Variants in MARCHF1 observed in about 807,000 individuals in gnomAD.
The protein encoded by MARCHF1 is E3 ubiquitin-protein ligase MARCHF1.
MARCHF1 carries 40 observed loss-of-function variants against 54.2 expected under a neutral mutation model. The observed-to-expected ratio is 0.74, with a 90% CI of 0.57 to 0.96. The LOEUF is 0.96. Ranked by LOEUF, MARCHF1 falls within the 40% of genes least tolerant of loss-of-function variation. The probability of loss-of-function intolerance (pLI) is 0.00; values close to 1 mark genes in which losing one functional copy is unlikely to be tolerated. For synonymous variants in MARCHF1, 236 were observed against 236.3 expected (o/e 1.00, Z 0.01); for missense variants, 586 against 656.5 (o/e 0.89, Z 1.17).
chr4:164,212,996 T>C (rs2111123810), intron 1 of MARCHF1, among the ~76,000 whole-genome samples: 1 of 152,090 alleles, frequency 6.6e-6, no homozygotes, highest in Non-Finnish European at 1.5e-5. Flanking sequence ...AGAAAGGACA[T>C]AACAGCAAAG....
intron 3 of MARCHF1, among the ~76,000 whole-genome samples, chr4:163,904,433 TG>T: frequency 6.6e-6 from 1 of 152,290 alleles, no homozygotes; most frequent in Non-Finnish European, 1.5e-5. Flanking sequence ...GGAATTTTAA[TG>T]GGACAGGTGC....
intron 4 of MARCHF1, among the ~76,000 whole-genome samples, chr4:163,836,405 C>G: frequency 6.7e-6 from 1 of 148,672 alleles, no homozygotes; most frequent in Non-Finnish European, 1.5e-5. Flanking sequence ...GCCACCACGC[C>G]CGGCTAATTT....
chr4:163,544,949 C>G (rs947529087), intron 9 of MARCHF1, among the ~76,000 whole-genome samples: 2 of 152,154 alleles, frequency 1.3e-5, no homozygotes, highest in African/African-American at 4.8e-5. Context: ...AGAACTGGGT[C>G]CTTTCACACA....
chr4:163,961,328 G>A (rs1259486971), intron 3 of MARCHF1, among the ~76,000 whole-genome samples: 2 of 151,920 alleles, frequency 1.3e-5, no homozygotes, highest in Non-Finnish European at 2.9e-5. Context: ...AATAGTCCTA[G>A]AGAAAATTAA....
intron 5 of MARCHF1, among the ~76,000 whole-genome samples, chr4:163,617,381 T>C (rs949253185): frequency 6.6e-6 from 1 of 152,136 alleles, no homozygotes; most frequent in Non-Finnish European, 1.5e-5. Context: ...AGAAGAGATG[T>C]TGGATGTTCC....
intron 4 of MARCHF1, among the ~76,000 whole-genome samples, chr4:163,804,866 C>A (rs1235930772): frequency 6.6e-6 from 1 of 152,196 alleles, no homozygotes; most frequent in East Asian, 1.9e-4. Context: ...ACATGTACTA[C>A]TCTCATTGTT....
At chr4:163,756,002 A>C (rs557816721) in intron 4 of MARCHF1, among the ~76,000 whole-genome samples, 1 of 152,306 alleles carries the variant, frequency 6.6e-6, no homozygotes, top group South Asian at 2.1e-4. Flanking sequence ...ATTTTATTCT[A>C]TTATATAATT....
intron 4 of MARCHF1, among the ~76,000 whole-genome samples, chr4:163,742,512 C>T (rs1162159978): frequency 2.6e-5 from 4 of 151,144 alleles, no homozygotes; most frequent in African/African-American, 9.7e-5. Context: ...GGTATCCTTC[C>T]ATCACCCAGG....
chr4:163,631,703 A>G (rs544938334), intron 5 of MARCHF1, among the ~76,000 whole-genome samples: 1 of 152,346 alleles, frequency 6.6e-6, no homozygotes, highest in South Asian at 2.1e-4. Flanking sequence ...GAATATATTT[A>G]AGAAACTCCT....
At chr4:164,378,643 C>T (rs532404575) in intron 1 of MARCHF1, among the ~76,000 whole-genome samples, 6 of 152,322 alleles carry the variant, frequency 3.9e-5, no homozygotes, top group South Asian at 2.1e-4. Context: ...ACCATCCCAC[C>T]GTATCTGTCT....
intron 1 of MARCHF1, among the ~76,000 whole-genome samples, chr4:164,342,377 C>T (rs575474575): frequency 6.6e-6 from 1 of 152,008 alleles, no homozygotes; most frequent in Non-Finnish European, 1.5e-5. Context: ...TAAGTTCATA[C>T]AGCTCTCATG....
At chr4:164,131,425 AAATAC>A (rs1756299308) in intron 1 of MARCHF1, among the ~76,000 whole-genome samples, 2 of 152,162 alleles carry the variant, frequency 1.3e-5, no homozygotes, top group Admixed American at 1.3e-4. Flanking sequence ...TGGCATTTGG[AAATAC>A]AATCCCATAA....
intron 1 of MARCHF1, among the ~76,000 whole-genome samples, chr4:164,124,037 CTCAA>C (rs1217546579): frequency 6.6e-6 from 1 of 151,906 alleles, no homozygotes; most frequent in Non-Finnish European, 1.5e-5. Flanking sequence ...ATACAAGGAA[CTCAA>C]TCAACTCTAC....
At chr4:164,177,936 GAC>G (rs1383558382) in intron 1 of MARCHF1, among the ~76,000 whole-genome samples, 1 of 152,118 alleles carries the variant, frequency 6.6e-6, no homozygotes, top group Non-Finnish European at 1.5e-5. Context: ...GTCTGAGAGA[GAC>G]AGTAATTCCA....
At chr4:163,648,912 T>C (rs137911225) in intron 5 of MARCHF1, among the ~76,000 whole-genome samples, 1,488 of 129,538 alleles carry the variant, frequency 0.011, 10 homozygotes, top group Non-Finnish European at 0.011. Context: ...ACAGACACAA[T>C]CTTTGGGGGA....
At chr4:163,701,865 C>A (rs1279967973) in intron 4 of MARCHF1, among the ~76,000 whole-genome samples, 1 of 151,934 alleles carries the variant, frequency 6.6e-6, no homozygotes, top group Non-Finnish European at 1.5e-5. Context: ...TGGACTCAGC[C>A]CCAAAGTGGG....
intron 4 of MARCHF1, among the ~76,000 whole-genome samples, chr4:163,831,840 C>T (rs1749033208): frequency 6.6e-6 from 1 of 152,152 alleles, no homozygotes; most frequent in South Asian, 2.1e-4. Flanking sequence ...TGTGGCAGAG[C>T]TTGAACCACT....
intron 2 of MARCHF1, among the ~76,000 whole-genome samples, chr4:163,995,542 G>A (rs934322096): frequency 1.3e-5 from 2 of 151,892 alleles, no homozygotes; most frequent in South Asian, 2.1e-4. Flanking sequence ...GCTACACAGG[G>A]GCTGCCAGCC....
At chr4:163,915,854 G>A (rs1751296192) in intron 3 of MARCHF1, among the ~76,000 whole-genome samples, 1 of 152,150 alleles carries the variant, frequency 6.6e-6, no homozygotes, top group Non-Finnish European at 1.5e-5. Context: ...CTGGATCTGA[G>A]ACCTCACTGT....
Sources: allele counts gnomAD v4.1 joint callset (sites outside exome capture counted in the v4.1 genomes callset), GRCh38; gene constraint gnomAD v4.1.1; transcripts MANE v1.5; gene names NCBI Gene and HGNC (gene_info 2026-07-23, HGNC 2026-07-21).